SHANK2: variants seen among roughly 807,000 people sequenced by gnomAD.
SHANK2 encodes the protein SH3 and multiple ankyrin repeat domains 2, also known as SH3 and multiple ankyrin repeat domains protein 2.
In SHANK2, 43 loss-of-function variants were observed where a neutral mutation model predicts 133.7. The observed-to-expected ratio is 0.32, with a 90% CI of 0.25 to 0.41. The LOEUF (loss-of-function observed/expected upper bound fraction) is 0.41. Among genes scored for constraint, SHANK2 ranks in the 10% least tolerant of loss-of-function variants. The pLI is 1.00. For synonymous variants in SHANK2, 1,017 were observed against 952.8 expected, an observed-to-expected ratio of 1.07 and a Z score of -1.24; for missense variants, 1,994 against 2,235.8, an observed-to-expected ratio of 0.89 and a Z score of 2.18.
In SHANK2 at chr11:71,086,249, TTATATATGTTA is replaced by T. The variant is rs1590895774; in HGVS notation, c.912+6162_912+6172del. On this transcript the variant is annotated intron_variant, in intron 8 of 25. Coordinates refer to ENST00000601538, the MANE Select transcript of SHANK2 (RefSeq NM_012309.5). ...ATATTAAATTATATAATATATTATGTTATATATGTTATATATTATATATGTTATATTATATA... is the reference window on the plus strand; with the variant it reads ...ATATTAAATTATATAATATATTATGTTATATTATATATGTTATATTATATA... Among the ~76,000 whole-genome samples, 32 of 56,346 alleles carry T rather than the reference TTATATATGTTA, an allele frequency of 5.7e-4. 1 individual carries two copies. The East Asian group carries it at 0.012, about 21-fold the overall frequency. The allele number at this position is 56,346 out of a possible 152,430, so 37.0% of individuals were successfully genotyped here.
At chr11:71,058,589 G>A (rs1377788158) in intron 9 of SHANK2, among the ~76,000 whole-genome samples, 2 of 152,226 alleles carry the variant, frequency 1.3e-5, no homozygotes, top group Non-Finnish European at 2.9e-5. Flanking sequence ...TCGGCAGCAG[G>A]GGCCTGACAC....
At chr11:70,480,265 A>G (rs1344819175) in intron 25 of SHANK2, among the ~76,000 whole-genome samples, 2 of 152,202 alleles carry the variant, frequency 1.3e-5, no homozygotes, top group Non-Finnish European at 2.9e-5. Context: ...GTTTTCTGCA[A>G]GGTTGGCTCC....
intron 8 of SHANK2, among the ~76,000 whole-genome samples, chr11:71,080,562 C>G (rs933881157): frequency 2.6e-5 from 4 of 152,108 alleles, no homozygotes; most frequent in African/African-American, 9.7e-5. Context: ...GAGACGAACC[C>G]CCTATCACTT....
intron 11 of SHANK2, among the ~76,000 whole-genome samples, chr11:70,875,855 CAAAA>C (rs869042517): frequency 2.1e-5 from 2 of 94,936 alleles, no homozygotes; most frequent in African/African-American, 7.0e-5. Flanking sequence ...GACACTGTTT[CAAAA>C]AAAAAAAAAA....
chr11:70,738,346 AC>A (rs537388674), intron 14 of SHANK2, among the ~76,000 whole-genome samples: 73 of 152,204 alleles, frequency 4.8e-4, no homozygotes, highest in African/African-American at 1.5e-3. Context: ...CTGTGCACCA[AC>A]CCCAACCATA....
intron 5 of SHANK2, 43 bp from the exon 6 acceptor site, chr11:71,110,092 T>C (rs1951870086): frequency 7.2e-7 from 1 of 1,393,318 alleles, no homozygotes; most frequent in African/African-American, 1.4e-5. Context: ...TTATAAGAAA[T>C]GTCCCAACCT....
chr11:71,210,396 C>T lies in SHANK2; in HGVS notation c.-13+14301G>A, dbSNP rs192528032. Among the ~76,000 whole-genome samples the T allele has an allele frequency of 5.9e-3, 886 of 150,726 alleles. 10 individuals are homozygous for T. The highest frequency in any genetic ancestry group is 0.021 in the African/African-American group (847 of 41,006). ...CCCGAGTAGCTGGGACTACAGAAGCCCACCACCACGCCCGGCTAATTTTTT... is the reference window on the plus strand; with the variant it reads ...CCCGAGTAGCTGGGACTACAGAAGCTCACCACCACGCCCGGCTAATTTTTT... On this transcript the variant is annotated intron_variant, in intron 2 of 25. Transcript: ENST00000601538.
intron 15 of SHANK2, among the ~76,000 whole-genome samples, chr11:70,664,758 C>T (rs1394986919): frequency 6.6e-6 from 1 of 152,194 alleles, no homozygotes; most frequent in Non-Finnish European, 1.5e-5. Flanking sequence ...CTAGCTGTCT[C>T]CCATAGACTA....
At chr11:70,909,360 G>A (rs532874079) in intron 10 of SHANK2, among the ~76,000 whole-genome samples, 1 of 152,260 alleles carries the variant, frequency 6.6e-6, no homozygotes, top group East Asian at 1.9e-4. Flanking sequence ...TGAGTCTAGT[G>A]AGAAGAGGAG....
rs535910324 is a variant in SHANK2 at position 70,715,069 on chromosome 11, C to T, written c.1778-16306G>A. On this transcript the variant is annotated intron_variant, in intron 14 of 25. Coordinates refer to ENST00000601538, the MANE Select transcript of SHANK2 (RefSeq NM_012309.5). ...ATCCCCCCACCTCAGCCTCCCAAAG[C>T]ACTGGGATTACAGGCATGAGGCACC... 1.2e-4 allele frequency among the ~76,000 whole-genome samples: 19 copies of T among 152,170 alleles called. 1 individual carries two copies. Among genetic ancestry groups the T allele is most frequent in the East Asian group, 1.2e-3 (6 of 5,166 alleles).
chr11:70,644,363 TTCTGTC>T (rs1416131344), intron 17 of SHANK2, among the ~76,000 whole-genome samples: 1 of 152,102 alleles, frequency 6.6e-6, no homozygotes, highest in Non-Finnish European at 1.5e-5. Context: ...CCATCCTACT[TTCTGTC>T]TCTATGAATG....
At chr11:71,086,601 A>C (rs1356769143) in intron 8 of SHANK2, among the ~76,000 whole-genome samples, 4 of 149,202 alleles carry the variant, frequency 2.7e-5, no homozygotes, top group Non-Finnish European at 4.4e-5. Context: ...GATTCTCCAT[A>C]ATATTGAGTG....
At chr11:70,850,794 C>T (rs1378371399) in intron 11 of SHANK2, among the ~76,000 whole-genome samples, 2 of 152,190 alleles carry the variant, frequency 1.3e-5, no homozygotes, top group East Asian at 1.9e-4. Context: ...AAGGCAGCTC[C>T]TGATCTCAGC....
At chr11:71,073,165 CT>C (rs1297535726) in intron 9 of SHANK2, among the ~76,000 whole-genome samples, 9 of 40,316 alleles carry the variant, frequency 2.2e-4, no homozygotes, top group East Asian at 6.9e-4. Context: ...TCTTTTTTTT[CT>C]TTTTTTTTTT....
At chr11:71,068,794 G>GCCATCA (rs1257778198) in intron 9 of SHANK2, among the ~76,000 whole-genome samples, 1,754 of 152,186 alleles carry the variant, frequency 0.012, 26 homozygotes, top group African/African-American at 0.037. Flanking sequence ...CTGCTGCACT[G>GCCATCA]CCATCACCAT....
At chr11:70,792,236 C>G (rs2086742296) in intron 14 of SHANK2, among the ~76,000 whole-genome samples, 1 of 151,900 alleles carries the variant, frequency 6.6e-6, no homozygotes, top group South Asian at 2.1e-4. Flanking sequence ...GTCAGCTAGA[C>G]AGCTAATCAA....
At chr11:70,669,311 A>T (rs1944749662) in intron 15 of SHANK2, 1 of 152,292 alleles carries the variant, frequency 6.6e-6, no homozygotes, top group Admixed American at 6.5e-5. Flanking sequence ...TGGGGCTTCC[A>T]AGGTCAGAGT....
At chr11:71,072,486 A>G (rs1951156651) in intron 9 of SHANK2, among the ~76,000 whole-genome samples, 1 of 152,230 alleles carries the variant, frequency 6.6e-6, no homozygotes, top group Non-Finnish European at 1.5e-5. Flanking sequence ...TTGGTCTTAC[A>G]GGGAAGTGTG....
chr11:70,531,822 C>T (rs148230002), intron 17 of SHANK2, among the ~76,000 whole-genome samples: 7 of 152,260 alleles, frequency 4.6e-5, no homozygotes, highest in African/African-American at 1.4e-4. Flanking sequence ...ACTGATGAGA[C>T]GGGGTCCTTG....
Sources: allele counts gnomAD v4.1 joint callset (sites outside exome capture counted in the v4.1 genomes callset), GRCh38; gene constraint gnomAD v4.1.1; transcripts MANE v1.5; gene names NCBI Gene and HGNC (gene_info 2026-07-23, HGNC 2026-07-21).